Variants in CNTN4 observed in about 807,000 individuals in gnomAD.
CNTN4 encodes the protein contactin-4.
Under a neutral mutation model 122.5 loss-of-function variants are expected in CNTN4, and 77 were observed. The observed-to-expected ratio is 0.63, with a 90% confidence interval of 0.52 to 0.76. The LOEUF (loss-of-function observed/expected upper bound fraction) is 0.76. Ranked by LOEUF, CNTN4 falls within the 30% of genes least tolerant of loss-of-function variation. The probability of loss-of-function intolerance (pLI) is 0.00; values close to 1 mark genes in which losing one functional copy is unlikely to be tolerated. For synonymous variants in CNTN4, 512 were observed against 447.0 expected (o/e 1.15, Z -1.83); for missense variants, 1,256 against 1,259.1 (o/e 1.00, Z 0.04).
intron 6 of CNTN4, among the ~76,000 whole-genome samples, chr3:2,818,016 A>T (rs58208551): frequency 0.087 from 13,242 of 152,172 alleles, 1,916 homozygotes; most frequent in African/African-American, 0.3. Flanking sequence ...TGTTTTGTGC[A>T]GAGTATGTGT....
At chr3:2,285,291 G>C (rs981686429) in intron 2 of CNTN4, among the ~76,000 whole-genome samples, 1 of 152,000 alleles carries the variant, frequency 6.6e-6, no homozygotes, top group South Asian at 2.1e-4. Flanking sequence ...GATTTAATTT[G>C]ATGAATGGTC....
At chr3:2,830,688 A>G (rs2093085356) in intron 7 of CNTN4, among the ~76,000 whole-genome samples, 1 of 152,238 alleles carries the variant, frequency 6.6e-6, no homozygotes, top group African/African-American at 2.4e-5. Context: ...TAAATAATCC[A>G]GTGGACATTC....
At chr3:2,160,430 C>G (rs1202306898) in intron 2 of CNTN4, among the ~76,000 whole-genome samples, 1 of 152,158 alleles carries the variant, frequency 6.6e-6, no homozygotes. Flanking sequence ...TATTAGTTAT[C>G]TTGCTATGAC....
chr3:2,375,547 T>C (rs2045784985), intron 3 of CNTN4, among the ~76,000 whole-genome samples: 1 of 152,170 alleles, frequency 6.6e-6, no homozygotes, highest in Non-Finnish European at 1.5e-5. Flanking sequence ...CTCTGCTTTC[T>C]CTGGCAATGG....
intron 7 of CNTN4, among the ~76,000 whole-genome samples, chr3:2,840,366 TCTC>T (rs746675971): frequency 2.6e-5 from 4 of 151,892 alleles, no homozygotes; most frequent in African/African-American, 7.3e-5. Context: ...TGCTTGCCCT[TCTC>T]CTCCTCTTTC....
chr3:2,484,994 C>T (rs1003391521), intron 3 of CNTN4, among the ~76,000 whole-genome samples: 2 of 152,214 alleles, frequency 1.3e-5, no homozygotes, highest in African/African-American at 2.4e-5. Flanking sequence ...CGGCGGCCCG[C>T]ACTCAGAGCA....
intron 6 of CNTN4, among the ~76,000 whole-genome samples, chr3:2,792,061 G>A (rs774194811): frequency 1.3e-5 from 2 of 152,126 alleles, no homozygotes; most frequent in Admixed American, 6.5e-5. Context: ...TCCTGCACAT[G>A]TACCCCTGAA....
At chr3:2,767,354 T>C (rs570528474) in intron 6 of CNTN4, among the ~76,000 whole-genome samples, 1 of 152,326 alleles carries the variant, frequency 6.6e-6, no homozygotes, top group East Asian at 1.9e-4. Context: ...ATCAGAGGTA[T>C]GTAGACATGC....
chr3:2,574,863 T>A lies in CNTN4; in HGVS notation c.55+3305T>A, dbSNP rs2149515958. Among the ~76,000 whole-genome samples the A allele has an allele frequency of 1.3e-5, 2 of 152,020 alleles. 1 individual carries two copies. Among genetic ancestry groups the A allele is most frequent in the Admixed American group, 1.3e-4 (2 of 15,270 alleles). Reference sequence around the variant, plus strand: ...AGTCTTTTTTTTTCAATCTACAAACTCCTAATTCTCTAGGATTTCCATAAT... The same window carrying A: ...AGTCTTTTTTTTTCAATCTACAAACACCTAATTCTCTAGGATTTCCATAAT... On this transcript the variant is annotated intron_variant, in intron 4 of 24. Coordinates refer to ENST00000418658, the MANE Select transcript of CNTN4 (RefSeq NM_175607.3).
At chr3:2,224,228 T>C (rs1261461280) in intron 2 of CNTN4, among the ~76,000 whole-genome samples, 3 of 152,172 alleles carry the variant, frequency 2.0e-5, no homozygotes. Context: ...ATTCTGGTCT[T>C]CTACAGTCAT....
At chr3:2,878,571 G>A (rs1162339369) in intron 8 of CNTN4, among the ~76,000 whole-genome samples, 3 of 151,822 alleles carry the variant, frequency 2.0e-5, no homozygotes, top group African/African-American at 7.3e-5. Context: ...GTGTGTGTGT[G>A]TGTGTGTGTG....
chr3:2,561,469 G>A (rs1221490706), intron 3 of CNTN4, among the ~76,000 whole-genome samples: 3 of 152,086 alleles, frequency 2.0e-5, no homozygotes, highest in African/African-American at 7.2e-5. Flanking sequence ...CTCTCCTCCA[G>A]TGCTCAGTGG....
intron 3 of CNTN4, among the ~76,000 whole-genome samples, chr3:2,475,586 A>T (rs558073289): frequency 1.3e-5 from 2 of 152,290 alleles, no homozygotes; most frequent in Admixed American, 1.3e-4. Context: ...TCCTGTATAC[A>T]TTCCCTTCTG....
intron 4 of CNTN4, among the ~76,000 whole-genome samples, chr3:2,701,717 G>A (rs2086369837): frequency 1.3e-5 from 2 of 152,260 alleles, no homozygotes; most frequent in East Asian, 3.9e-4. Context: ...GACTTAGGAA[G>A]TCATAAACAC....
rs568311291 is a variant in CNTN4 at position 2,135,503 on chromosome 3, G to A, written c.-145+34864G>A. Among the ~76,000 whole-genome samples, 8 of 152,264 alleles carry A rather than the reference G, an allele frequency of 5.3e-5. No individual in the cohort carries two copies. In the South Asian group the frequency reaches 1.5e-3, roughly 28 times the overall value. ...TATGTGAGCCAGAGAGAATTTGATG[G>A]TAAATTTGTAGTACAGAACTTTAGA... is the stretch of plus-strand genomic sequence containing the variant. On this transcript the variant is annotated intron_variant, in intron 2 of 24. Coordinates refer to ENST00000418658, the MANE Select transcript of CNTN4 (RefSeq NM_175607.3).
At chr3:2,227,702 A>G (rs2039338975) in intron 2 of CNTN4, among the ~76,000 whole-genome samples, 1 of 152,152 alleles carries the variant, frequency 6.6e-6, no homozygotes, top group East Asian at 1.9e-4. Flanking sequence ...TTCCATTATA[A>G]TTAACATTAT....
At chr3:3,052,630 A>C (rs1336731669) in intron 23 of CNTN4, among the ~76,000 whole-genome samples, 1 of 152,208 alleles carries the variant, frequency 6.6e-6, no homozygotes, top group South Asian at 2.1e-4. Flanking sequence ...CAATCACAGC[A>C]GGCAATCCCA....
chr3:2,281,816 T>C (rs1460787668), intron 2 of CNTN4, among the ~76,000 whole-genome samples: 1 of 152,162 alleles, frequency 6.6e-6, no homozygotes, highest in African/African-American at 2.4e-5. Context: ...ATCATCTTGC[T>C]GTATGGAGAT....
intron 6 of CNTN4, among the ~76,000 whole-genome samples, chr3:2,767,858 A>G (rs1459994876): frequency 6.6e-6 from 1 of 152,222 alleles, no homozygotes; most frequent in Non-Finnish European, 1.5e-5. Flanking sequence ...AGCTTCTTAC[A>G]TAGCTCACCT....
Sources: gnomAD v4.1 joint callset for allele counts (sites outside exome capture counted in the v4.1 genomes callset) on GRCh38, gnomAD v4.1.1 for gene constraint, MANE v1.5 for transcripts, NCBI Gene and HGNC (gene_info 2026-07-23, HGNC 2026-07-21) for gene names.